The following ZNF544 variants were observed in gnomAD, a reference collection of about 807,000 sequenced individuals.
ZNF544 encodes zinc finger protein 544, also known as zinc finger protein AF020591.
A neutral mutation model predicts 13.5 loss-of-function variants in ZNF544; 10 were observed. The ratio of observed to expected loss-of-function variants is 0.74; its 90% CI spans 0.46 to 1.25. ZNF544 has a LOEUF of 1.25. Ranked by LOEUF, ZNF544 falls within the 50% of genes most tolerant of loss-of-function variation. The pLI, the probability that ZNF544 is intolerant of heterozygous loss-of-function variation, is 0.00. For missense variants in ZNF544, 896 were observed against 845.6 expected (o/e 1.06, Z -0.74); for synonymous variants, 323 against 300.5 (o/e 1.07, Z -0.77).
intron 3 of ZNF544, among the ~76,000 whole-genome samples, chr19:58,236,993 G>A (rs1448414475): frequency 6.6e-6 from 1 of 151,510 alleles, no homozygotes; most frequent in Non-Finnish European, 1.5e-5. Context: ...CACACGCCTC[G>A]GCCTTCCTAA....
At chr19:58,234,838 T>C (rs562220414) in intron 3 of ZNF544, among the ~76,000 whole-genome samples, 1 of 152,230 alleles carries the variant, frequency 6.6e-6, no homozygotes, top group African/African-American at 2.4e-5. Flanking sequence ...ATTACAGTGA[T>C]TACAGCTATT....
At chr19:58,258,790 T>A (rs1392679129) in intron 6 of ZNF544, 1 of 152,132 alleles carries the variant, frequency 6.6e-6, no homozygotes, top group Non-Finnish European at 1.5e-5. Context: ...GCTCAGAGAG[T>A]GAGGCATGAG....
chr19:58,264,367 A>C (rs2049562775), downstream of ZNF544, among the ~76,000 whole-genome samples: 1 of 141,628 alleles, frequency 7.1e-6, no homozygotes, highest in African/African-American at 2.7e-5. Flanking sequence ...CTGGGCAACA[A>C]GAGGGAAACT....
chr19:58,232,700 C>A (rs1313535342), intron 3 of ZNF544, among the ~76,000 whole-genome samples: 2 of 147,794 alleles, frequency 1.4e-5, no homozygotes, highest in African/African-American at 5.0e-5. Context: ...GAGGCCGAGG[C>A]GGCCGGATCA....
At chr19:58,248,777 TAGA>T (rs1435145466) in intron 6 of ZNF544, among the ~76,000 whole-genome samples, 2 of 152,146 alleles carry the variant, frequency 1.3e-5, no homozygotes, top group African/African-American at 4.8e-5. Flanking sequence ...AAAAAAAGCA[TAGA>T]TTTATCAAAA....
chr19:58,275,083 C>G (rs1217885018), intron 5 of ZNF544, among the ~76,000 whole-genome samples: 1 of 151,992 alleles, frequency 6.6e-6, no homozygotes, highest in Non-Finnish European at 1.5e-5. Context: ...GAGGGTGGTG[C>G]CTGAAATCCC....
intron 5 of ZNF544, among the ~76,000 whole-genome samples, chr19:58,274,584 T>C (rs1204407708): frequency 6.6e-6 from 1 of 152,182 alleles, no homozygotes; most frequent in Non-Finnish European, 1.5e-5. Context: ...ACAATAAATT[T>C]ATGTCGTTTA....
At chr19:58,233,591 TG>T (rs1363285096) in intron 3 of ZNF544, among the ~76,000 whole-genome samples, 1 of 152,254 alleles carries the variant, frequency 6.6e-6, no homozygotes, top group African/African-American at 2.4e-5. Flanking sequence ...TACACACTTC[TG>T]TCTGTAATAT....
chr19:58,266,199 C>T (rs573895086), downstream of ZNF544, among the ~76,000 whole-genome samples: 11 of 110,844 alleles, frequency 9.9e-5, no homozygotes, highest in East Asian at 5.5e-4. Flanking sequence ...AAGCGAAAAG[C>T]GAGACTCTGT....
intron 3 of ZNF544, 125 bp from the exon 4 acceptor site, chr19:58,243,840 G>A (rs2044457486): frequency 1.2e-5 from 8 of 666,678 alleles, no homozygotes; most frequent in East Asian, 6.6e-5. Flanking sequence ...GTCCCCAGGC[G>A]TGAGGCCCAT....
In ZNF544 at chr19:58,261,274, G is replaced by T. The variant is rs142703958; in HGVS notation, c.668G>T (p.Cys223Phe). ...CESHQCARAF[C>F]QSIYLSKLGN... Reference sequence around the variant, plus strand: ...AGTCATCAGTGTGCTAGAGCTTTCTGTCAGAGTATTTACTTGAGTAAACTT... The same window carrying T: ...AGTCATCAGTGTGCTAGAGCTTTCTTTCAGAGTATTTACTTGAGTAAACTT... The change falls in exon 7 of 7, where the codon TGT becomes TTT. Residue 223 changes from cysteine (C) to phenylalanine (F), a missense_variant. Cys to Phe is a radical substitution (Grantham distance 205). Coordinates refer to ENST00000687789, the MANE Select transcript of ZNF544 (RefSeq NM_014480.4). 1 of 1,614,178 alleles carries T rather than the reference G, an allele frequency of 6.2e-7. No homozygotes were observed. Among genetic ancestry groups the T allele is most frequent in the South Asian group, 1.1e-5 (1 of 91,084 alleles).
intron 1 of ZNF544, 127 bp downstream of exon 1, chr19:58,229,073 G>A (rs1024936980): frequency 1.3e-5 from 2 of 152,652 alleles, no homozygotes; most frequent in Non-Finnish European, 2.9e-5. Flanking sequence ...AGGGCCTGCG[G>A]GGGTCCCTCA....
At chr19:58,235,989 G>A (rs1016663635) in intron 3 of ZNF544, among the ~76,000 whole-genome samples, 1 of 151,990 alleles carries the variant, frequency 6.6e-6, no homozygotes, top group Non-Finnish European at 1.5e-5. Flanking sequence ...GAACCCAGGA[G>A]GTGGAGGTTG....
At chr19:58,231,756 CCT>C (rs1158619803) in intron 3 of ZNF544, 1 of 152,108 alleles carries the variant, frequency 6.6e-6, no homozygotes, top group Non-Finnish European at 1.5e-5. Flanking sequence ...GTGACTGTCA[CCT>C]CTCTTTTTCG....
rs901965218 is a variant in ZNF544, at chr19:58,276,367, G to A, written c.289G>A (p.Asp97Asn). ...GAGCTTTTTGGGACTCCCAATAGAA[G>A]ACAGATTTAGTCTCCTGGAAGGCTG... Residue 97 changes from aspartate (D) to asparagine (N), a missense_variant, in exon 6 of 7, where the codon GAC becomes AAC. Coordinates refer to the ZNF544 transcript ENST00000595981. The A allele has an allele frequency of 1.6e-5, 20 of 1,231,558 alleles. No homozygotes were observed. The African/African-American group carries it at 3.0e-4, about 18-fold the overall frequency. The allele number at this position is 1,231,558 out of a possible 1,614,324, so 76.3% of individuals were successfully genotyped here.
intron 6 of ZNF544, among the ~76,000 whole-genome samples, chr19:58,250,565 A>T (rs1298434370): frequency 1.3e-5 from 2 of 152,162 alleles, no homozygotes; most frequent in African/African-American, 2.4e-5. Flanking sequence ...AGGGGTTAAT[A>T]ATCTCTAGGG....
intron 5 of ZNF544, among the ~76,000 whole-genome samples, chr19:58,270,363 G>A (rs955987711): frequency 6.6e-6 from 1 of 150,572 alleles, no homozygotes; most frequent in South Asian, 2.1e-4. Context: ...GTGCAGTGGC[G>A]CGATCTTGGC....
intron 3 of ZNF544, among the ~76,000 whole-genome samples, chr19:58,234,635 G>A (rs1260373156): frequency 6.6e-6 from 1 of 152,232 alleles, no homozygotes. Context: ...TCTGCGAGCT[G>A]TCTGGCAATT....
At chr19:58,273,049 C>CGG (rs2050829285) in intron 5 of ZNF544, among the ~76,000 whole-genome samples, 1 of 150,592 alleles carries the variant, frequency 6.6e-6, no homozygotes. Context: ...GGTGTGGTGG[C>CGG]GCATGCCTGT....
Sources: gnomAD v4.1 joint callset for allele counts (sites outside exome capture counted in the v4.1 genomes callset) on GRCh38, gnomAD v4.1.1 for gene constraint, MANE v1.5 for transcripts, NCBI Gene and HGNC (gene_info 2026-07-23, HGNC 2026-07-21) for gene names.